The following SLC35F3 variants were observed in gnomAD, a reference collection of about 807,000 sequenced individuals.
SLC35F3 encodes putative thiamine transporter SLC35F3.
In SLC35F3, 25 loss-of-function variants were observed where a neutral mutation model predicts 49.9. The observed-to-expected ratio is 0.50, with a 90% confidence interval of 0.37 to 0.70. The LOEUF is 0.70. SLC35F3 is among the 30% of genes least tolerant of loss of function. SLC35F3 has a pLI of 0.00. For missense variants in SLC35F3, 525 were observed against 639.8 expected (o/e 0.82, Z 1.94); for synonymous variants, 275 against 265.4 (o/e 1.04, Z -0.35).
At chr1:234,304,022 CTTCCTTCCTTCCTTCCTTCCTTCT>C (rs879875214) in intron 3 of SLC35F3, among the ~76,000 whole-genome samples, 1,757 of 93,912 alleles carry the variant, frequency 0.019, 18 homozygotes, top group Middle Eastern at 0.028. Flanking sequence ...TCCTTCCTTC[CTTCCTTCCTTCCTTCCTTCCTTCT>C]TTCTTTCCTT....
chr1:234,068,916 TG>T (rs1465719165), intron 2 of SLC35F3, among the ~76,000 whole-genome samples: 3 of 128,994 alleles, frequency 2.3e-5, no homozygotes, highest in African/African-American at 8.9e-5. Flanking sequence ...TATTTTTATA[TG>T]TAATATATTA....
chr1:234,200,303 G>T (rs1262348938), intron 2 of SLC35F3, among the ~76,000 whole-genome samples: 1 of 152,088 alleles, frequency 6.6e-6, no homozygotes, highest in African/African-American at 2.4e-5. Flanking sequence ...CAGATTCTTT[G>T]CCCATTTTTT....
chr1:234,184,762 A>T (rs1225411666), intron 2 of SLC35F3, among the ~76,000 whole-genome samples: 1 of 152,200 alleles, frequency 6.6e-6, no homozygotes, highest in Non-Finnish European at 1.5e-5. Flanking sequence ...AGAGCCCATG[A>T]TGAATAACTA....
intron 2 of SLC35F3, among the ~76,000 whole-genome samples, chr1:233,932,151 T>C (rs1558182168): frequency 6.7e-6 from 1 of 150,104 alleles, no homozygotes; most frequent in East Asian, 2.0e-4. Flanking sequence ...TGTCTGGGGG[T>C]GGGGGGCTAG....
chr1:233,984,973 G>A (rs1268565104), intron 2 of SLC35F3, among the ~76,000 whole-genome samples: 1 of 152,056 alleles, frequency 6.6e-6, no homozygotes. Context: ...GGAATTTCCT[G>A]TAAAGGAAAT....
At position 234,309,015 on chromosome 1, in the gene SLC35F3, T is replaced by TAAAAAA. The variant is rs11359233; in HGVS notation, c.609-78_609-73dup. The TAAAAAA allele has an allele frequency of 2.2e-3, 2,056 of 950,476 alleles. 5 individuals carry two copies. The highest frequency in any genetic ancestry group is 4.7e-3 in the Middle Eastern group (16 of 3,400). 58.9% of individuals were successfully genotyped at this position (950,476 alleles called of 1,614,324 possible). On this transcript the variant is annotated intron_variant, in intron 3 of 7. Transcript: ENST00000366618. ...AACCCTGCCCCTTCCTATATTTGCT[T>TAAAAAA]AAAAAAAAAAAAACTTGCTATAGGA...
At chr1:233,937,220 G>A (rs1419116815) in intron 2 of SLC35F3, among the ~76,000 whole-genome samples, 1 of 152,136 alleles carries the variant, frequency 6.6e-6, no homozygotes, top group East Asian at 1.9e-4. Flanking sequence ...GGTAAATTAG[G>A]GTGCTGCTCA....
rs145620618 is a variant in SLC35F3 at position 234,100,909 on chromosome 1, C to CA, written c.284-130507dup. Among the ~76,000 whole-genome samples, 172 of 152,306 alleles carry CA rather than the reference C, an allele frequency of 1.1e-3. 2 individuals are homozygous for CA. The East Asian group carries it at 0.031, about 27-fold the overall frequency. ...GATTCATGCCTCGATTGCATATACACAGTGTTTTCCGGAGCTCTTTTTGGT... is the reference window on the plus strand; with the variant it reads ...GATTCATGCCTCGATTGCATATACACAAGTGTTTTCCGGAGCTCTTTTTGGT... On this transcript the variant is annotated intron_variant, in intron 2 of 7. Transcript: ENST00000366618.
At chr1:234,201,593 CACTCACT>C (rs1451425096) in intron 2 of SLC35F3, among the ~76,000 whole-genome samples, 2 of 152,236 alleles carry the variant, frequency 1.3e-5, no homozygotes, top group African/African-American at 4.8e-5. Context: ...ATTTAATGCC[CACTCACT>C]TTAAATAAGC....
intron 2 of SLC35F3, among the ~76,000 whole-genome samples, chr1:233,935,699 C>T (rs576405512): frequency 9.2e-5 from 14 of 152,314 alleles, no homozygotes; most frequent in Non-Finnish European, 1.6e-4. Context: ...GCCCCAGTTC[C>T]TCTCATGAGC....
rs1478216426 is a variant in SLC35F3, at chr1:234,143,288, C to CTTTTCTTTT, written c.284-88125_284-88124insCTTTTTTTT. On this transcript the variant is annotated intron_variant, in intron 2 of 7. Coordinates refer to ENST00000366618, the MANE Select transcript of SLC35F3 (RefSeq NM_173508.4). ...GAGTTTGACTCTTTTCTTTTCTTTTCTTTTTTTTTTTTTTTTTGAGATAAA... is the reference window on the plus strand; with the variant it reads ...GAGTTTGACTCTTTTCTTTTCTTTTCTTTTCTTTTTTTTTTTTTTTTTTTTTGAGATAAA... Among the ~76,000 whole-genome samples the CTTTTCTTTT allele has an allele frequency of 2.8e-3, 345 of 123,504 alleles. 11 individuals are homozygous for CTTTTCTTTT. The East Asian group carries it at 0.058, about 21-fold the overall frequency. The allele number at this position is 123,504 out of a possible 152,430, so 81.0% of individuals were successfully genotyped here.
At chr1:234,288,836 G>A (rs550389733) in intron 3 of SLC35F3, among the ~76,000 whole-genome samples, 14 of 152,178 alleles carry the variant, frequency 9.2e-5, no homozygotes, top group Non-Finnish European at 2.1e-4. Context: ...AAATTATCAT[G>A]CCTTATTCAC....
chr1:233,979,002 C>G (rs1663136479), intron 2 of SLC35F3, among the ~76,000 whole-genome samples: 2 of 150,798 alleles, frequency 1.3e-5, no homozygotes, highest in South Asian at 4.2e-4. Context: ...AGCCATTGCA[C>G]TCCAGCCTGG....
intron 2 of SLC35F3, among the ~76,000 whole-genome samples, chr1:233,972,546 T>C (rs1663012796): frequency 6.6e-6 from 1 of 152,186 alleles, no homozygotes; most frequent in South Asian, 2.1e-4. Context: ...AGTGCTGATA[T>C]TACCTCACAT....
intron 2 of SLC35F3, among the ~76,000 whole-genome samples, chr1:234,122,747 A>T (rs1163511457): frequency 1.3e-5 from 2 of 152,206 alleles, no homozygotes; most frequent in Admixed American, 1.3e-4. Flanking sequence ...TAGTCTGCTG[A>T]GAATGATGGC....
Position 234,282,248 on chromosome 1 carries a change from T to G in SLC35F3, c.609-26853T>G, listed in dbSNP as rs573373177. ...CACCAGGCTGATACTCAGTCTCTATTGCCAGCCAGGACTAGAGTCTCCAGT... is the reference window on the plus strand; with the variant it reads ...CACCAGGCTGATACTCAGTCTCTATGGCCAGCCAGGACTAGAGTCTCCAGT... On this transcript the variant is annotated intron_variant, in intron 3 of 7. Coordinates refer to ENST00000366618, the MANE Select transcript of SLC35F3 (RefSeq NM_173508.4). 5.3e-4 allele frequency among the ~76,000 whole-genome samples: 81 copies of G among 152,322 alleles called. 1 individual carries two copies. Among genetic ancestry groups the G allele is most frequent in the African/African-American group, 1.8e-3 (76 of 41,568 alleles).
chr1:234,016,432 A>G (rs1346161210), intron 2 of SLC35F3, among the ~76,000 whole-genome samples: 4 of 152,232 alleles, frequency 2.6e-5, no homozygotes, highest in Non-Finnish European at 4.4e-5. Context: ...AATGTAGTAT[A>G]TTATATATGC....
At chr1:234,076,987 GTTTTTTTTTTGTTTTTTTTT>G (rs906537705) in intron 2 of SLC35F3, among the ~76,000 whole-genome samples, 3 of 134,742 alleles carry the variant, frequency 2.2e-5, no homozygotes, top group African/African-American at 8.5e-5. Flanking sequence ...AAAGAAAGAG[GTTTTTTTTTTGTTTTTTTTT>G]TTTTTTTTGA....
chr1:234,130,662 C>T (rs1418142045), intron 2 of SLC35F3, among the ~76,000 whole-genome samples: 1 of 136,050 alleles, frequency 7.4e-6, no homozygotes, highest in African/African-American at 2.7e-5. Flanking sequence ...AAAAGAAAGA[C>T]CTCTCAGTAC....
Sources: allele counts gnomAD v4.1 joint callset (sites outside exome capture counted in the v4.1 genomes callset), GRCh38; gene constraint gnomAD v4.1.1; transcripts MANE v1.5; gene names NCBI Gene and HGNC (gene_info 2026-07-23, HGNC 2026-07-21).